Variants in DHTKD1 observed in about 807,000 individuals in gnomAD.
DHTKD1 encodes dehydrogenase E1 and transketolase domain containing 1, also known as 2-oxoadipate dehydrogenase complex component E1.
In DHTKD1, 78 loss-of-function variants were observed where a neutral mutation model predicts 101.8. The observed-to-expected ratio is 0.77, with a 90% CI of 0.64 to 0.93. The LOEUF (loss-of-function observed/expected upper bound fraction) is 0.93. DHTKD1 is among the 40% of genes least tolerant of loss of function. The pLI is 0.00. For missense variants in DHTKD1, 1,223 were observed against 1,161.7 expected (o/e 1.05, Z -0.77); for synonymous variants, 462 against 450.3 (o/e 1.03, Z -0.33).
chr10:12,081,960 CAAAAAAA>C (rs772486162), intron 2 of DHTKD1, among the ~76,000 whole-genome samples: 7 of 88,898 alleles, frequency 7.9e-5, no homozygotes, highest in African/African-American at 3.8e-4. Context: ...ACTGTCTCTA[CAAAAAAA>C]AAAAAAAAAA....
chr10:12,101,352 C>T (rs1001584175), intron 10 of DHTKD1, among the ~76,000 whole-genome samples, 171 bp downstream of exon 10: 4 of 152,110 alleles, frequency 2.6e-5, no homozygotes, highest in Non-Finnish European at 4.4e-5. Context: ...TGCAAGTAAC[C>T]CCTAGAGAGT....
At position 12,120,885 on chromosome 10, in the gene DHTKD1, TTGA is replaced by T. The variant is rs1833516658; in HGVS notation, c.*4_*6del. 41 of 1,613,542 alleles carry T rather than the reference TTGA, an allele frequency of 2.5e-5. No individual in the cohort carries two copies. The highest frequency in any genetic ancestry group is 3.5e-5 in the Non-Finnish European group (41 of 1,179,732). On this transcript the variant is annotated stop_lost and inframe_deletion and stop_retained_variant, in exon 17 of 17. Transcript: ENST00000263035. ...AAGATATCCTCGCCAAGACCTTCGC[TTGA>T]TGATGACTTTTGAAGAAACACTATT...
chr10:12,085,731 C>CA (rs1832887248), intron 3 of DHTKD1, among the ~76,000 whole-genome samples: 1 of 151,794 alleles, frequency 6.6e-6, no homozygotes, highest in Non-Finnish European at 1.5e-5. Flanking sequence ...AAACAAAATA[C>CA]AAAAAATTAG....
chr10:12,075,674 A>G (rs1164131452), intron 1 of DHTKD1, among the ~76,000 whole-genome samples: 1 of 152,192 alleles, frequency 6.6e-6, no homozygotes, highest in African/African-American at 2.4e-5. Context: ...CCATCCAGTA[A>G]TAGGAAGTAT....
chr10:12,087,839 CTG>C lies in DHTKD1; in HGVS notation c.717+113_717+114del, dbSNP rs1185063929. ...TGATGGTGATGGTGATGGCCGGGCA[CTG>C]TGGCTCACACCTGCAATCCCAGCCT... On this transcript the variant is annotated intron_variant, in intron 4 of 16. Coordinates refer to ENST00000263035, the MANE Select transcript of DHTKD1 (RefSeq NM_018706.7). This position sits in a 1 kb window ranked among gnomAD's most constrained non-coding sequence, Gnocchi z 5.2. 1 of 990,942 alleles carries C rather than the reference CTG, an allele frequency of 1.0e-6. No individual in the cohort carries two copies. Among genetic ancestry groups the C allele is most frequent in the Non-Finnish European group, 1.4e-6 (1 of 705,212 alleles). 61.4% of individuals were successfully genotyped at this position (990,942 alleles called of 1,614,324 possible). A position where few individuals can be genotyped will look rare whatever the true frequency, so the allele number is the denominator to read the frequency against.
At position 12,084,623 on chromosome 10, in the gene DHTKD1, A is replaced by G. The variant is rs1030206721; in HGVS notation, c.394A>G (p.Ile132Val). The G allele has an allele frequency of 2.5e-6, 4 of 1,613,904 alleles. No homozygotes were observed. The African/African-American group carries it at 5.3e-5, about 22-fold the overall frequency. ...TCAAATCTACTGTGGGCAGATTTCT[A>G]TTGAAACCTCCCAACTTCAGAGCCA... ...LNQIYCGQIS[I>V]ETSQLQSQDE... Residue 132 changes from isoleucine (I) to valine (V), a missense_variant, in exon 3 of 17, where the codon ATT (isoleucine) becomes GTT (valine). Ile to Val is a conservative substitution (Grantham distance 29). Transcript: ENST00000263035.
At chr10:12,119,399 A>T (rs1300842192) in intron 15 of DHTKD1, among the ~76,000 whole-genome samples, 2 of 151,428 alleles carry the variant, frequency 1.3e-5, no homozygotes, top group Admixed American at 1.3e-4. Flanking sequence ...GCGGATCACG[A>T]GGTCAGGAGA....
At chr10:12,071,665 C>T (rs72777800) in intron 1 of DHTKD1, among the ~76,000 whole-genome samples, 19,290 of 151,248 alleles carry the variant, frequency 0.13, 1,413 homozygotes, top group Middle Eastern at 0.26. Context: ...CAGTGACTCA[C>T]GCCTGTAATC....
Position 12,118,910 on chromosome 10 carries a change from A to T in DHTKD1, c.2564A>T (p.His855Leu). 1 of 1,568,828 alleles carries T rather than the reference A, an allele frequency of 6.4e-7. No individual in the cohort carries two copies. The highest frequency in any genetic ancestry group is 8.6e-7 in the Non-Finnish European group (1 of 1,158,334). ...SLQQEMSKYK[H>L]VKDHIWSQEE... ...CAGCAAGAGATGAGCAAATACAAACATGTTAAAGGTAAGAGGTTGTTCTCA... is the reference window on the plus strand; with the variant it reads ...CAGCAAGAGATGAGCAAATACAAACTTGTTAAAGGTAAGAGGTTGTTCTCA... Residue 855 changes from histidine to leucine, a missense_variant, in exon 15 of 17, where the codon CAT becomes CTT. Coordinates refer to ENST00000263035, the MANE Select transcript of DHTKD1 (RefSeq NM_018706.7).
chr10:12,069,253 GC>G, intron 1 of DHTKD1, 66 bp downstream of exon 1: 1 of 1,420,558 alleles, frequency 7.0e-7, no homozygotes, highest in Non-Finnish European at 9.3e-7. Context: ...TGGCCGATTT[GC>G]GGTGGGGTGT....
Position 12,120,908 on chromosome 10 carries a change from A to G in DHTKD1, c.*20A>G. Reference sequence around the variant, plus strand: ...GCTTGATGATGACTTTTGAAGAAACACTATTTCTCTTTAAGAAAATGGCCA... The same window carrying G: ...GCTTGATGATGACTTTTGAAGAAACGCTATTTCTCTTTAAGAAAATGGCCA... On this transcript the variant is annotated 3_prime_UTR_variant, in exon 17 of 17. Transcript: ENST00000263035. 6.2e-7 allele frequency: 1 copy of G among 1,610,548 alleles called. No homozygotes were observed. The highest frequency in any genetic ancestry group is 8.5e-7 in the Non-Finnish European group (1 of 1,177,538).
Position 12,105,621 on chromosome 10 carries a change from A to C in DHTKD1, c.1897-625A>C, listed in dbSNP as rs1833233572. On this transcript the variant is annotated intron_variant, in intron 10 of 16. Coordinates refer to ENST00000263035, the MANE Select transcript of DHTKD1 (RefSeq NM_018706.7). ...CACGCCCGGCCACAGGTTTTTGAAA[A>C]GCTTATAAGACGCAGTTGTATACCT... Among the ~76,000 whole-genome samples the C allele has an allele frequency of 2.6e-5, 4 of 152,244 alleles. No homozygotes were observed. The South Asian group carries it at 8.3e-4, about 32-fold the overall frequency.
chr10:12,068,996 C>T lies in DHTKD1; in HGVS notation c.-38C>T. 5 of 1,609,668 alleles carry T rather than the reference C, an allele frequency of 3.1e-6. No homozygotes were observed. Among genetic ancestry groups the T allele is most frequent in the African/African-American group, 2.7e-5 (2 of 74,764 alleles). ...CCAGGGCCGGTGGGATCCCCTCGGGCTCCCGCCTTAGCATGCTGGCCGGGA... is the reference window on the plus strand; with the variant it reads ...CCAGGGCCGGTGGGATCCCCTCGGGTTCCCGCCTTAGCATGCTGGCCGGGA... On this transcript the variant is annotated 5_prime_UTR_variant, in exon 1 of 17. Coordinates refer to ENST00000263035, the MANE Select transcript of DHTKD1 (RefSeq NM_018706.7).
intron 14 of DHTKD1, 51 bp from the exon 15 acceptor site, chr10:12,118,698 T>A (rs1833465090): frequency 7.0e-7 from 1 of 1,423,716 alleles, no homozygotes. Context: ...GACGTAATTC[T>A]TACTTTAAAA....
chr10:12,083,980 T>C (rs1378858606), intron 2 of DHTKD1, among the ~76,000 whole-genome samples: 1 of 151,930 alleles, frequency 6.6e-6, no homozygotes, highest in Non-Finnish European at 1.5e-5. Context: ...TGGAGTGCAG[T>C]GGTGTGATCT....
rs543538665 is a variant in DHTKD1 at position 12,120,558 on chromosome 10, A to G, written c.2659-229A>G. On this transcript the variant is annotated intron_variant, in intron 16 of 16. Coordinates refer to ENST00000263035, the MANE Select transcript of DHTKD1 (RefSeq NM_018706.7). ...TCACCATGTTAGCCAGGATAGTCTC[A>G]ATCTCCTGACCTCGTGATCCGCCCA... 1.3e-4 allele frequency among the ~76,000 whole-genome samples: 20 copies of G among 151,426 alleles called. No individual in the cohort carries two copies. The East Asian group carries it at 1.8e-3, about 13-fold the overall frequency.
chr10:12,100,287 G>GTTTTTTTTTTTTGTTTTTTTTTTTTTTTT lies in DHTKD1; in HGVS notation c.1756+37_1756+38insGTTTTTTTTTTTTTTTTTTTTTTTTTTTT, dbSNP rs1554793010. ...GGTAAGAATTTTCTTTTTTTTTTCTGTTTTTTTTTTTTTTGAGTCTCACCC... is the reference window on the plus strand; with the variant it reads ...GGTAAGAATTTTCTTTTTTTTTTCTGTTTTTTTTTTTTGTTTTTTTTTTTTTTTTTTTTTTTTTTTTTTGAGTCTCACCC... On this transcript the variant is annotated intron_variant, in intron 9 of 16. Transcript: ENST00000263035. 9.2e-5 allele frequency: 25 copies of GTTTTTTTTTTTTGTTTTTTTTTTTTTTTT among 272,244 alleles called. 1 individual carries two copies. Among genetic ancestry groups the GTTTTTTTTTTTTGTTTTTTTTTTTTTTTT allele is most frequent in the East Asian group, 2.4e-4 (3 of 12,330 alleles). The allele number at this position is 272,244 out of a possible 1,614,324, so 16.9% of individuals were successfully genotyped here.
intron 1 of DHTKD1, among the ~76,000 whole-genome samples, chr10:12,075,756 G>C (rs1722449): frequency 0.33 from 50,003 of 151,696 alleles, 8,215 homozygotes; most frequent in African/African-American, 0.38. Flanking sequence ...TATCCTTCCA[G>C]GGAAAAAGAA....
At chr10:12,088,606 C>T (rs1336969877) in intron 4 of DHTKD1, among the ~76,000 whole-genome samples, 1 of 152,052 alleles carries the variant, frequency 6.6e-6, no homozygotes, top group African/African-American at 2.4e-5. Context: ...TTTATTGAGA[C>T]CTAATCTCGC....
Sources: allele counts gnomAD v4.1 joint callset (sites outside exome capture counted in the v4.1 genomes callset), GRCh38; gene constraint gnomAD v4.1.1; non-coding constraint Gnocchi (gnomAD v3.1); transcripts MANE v1.5; gene names NCBI Gene and HGNC (gene_info 2026-07-23, HGNC 2026-07-21).